GALNTL6: variants seen among roughly 807,000 people sequenced by gnomAD.
The protein encoded by GALNTL6 is polypeptide N-acetylgalactosaminyltransferase like 6.
A neutral mutation model predicts 73.7 loss-of-function variants in GALNTL6; 46 were observed. The observed-to-expected ratio is 0.62, with a 90% confidence interval of 0.49 to 0.80. GALNTL6 has a LOEUF of 0.80. Among genes scored for constraint, GALNTL6 ranks in the 30% least tolerant of loss-of-function variants. The probability of loss-of-function intolerance (pLI) is 0.00; values close to 1 mark genes in which losing one functional copy is unlikely to be tolerated. For missense variants in GALNTL6, 604 were observed against 755.0 expected (o/e 0.80, Z 2.34); for synonymous variants, 259 against 263.7 (o/e 0.98, Z 0.17).
At chr4:172,322,035 T>G (rs186149656) in intron 4 of GALNTL6, among the ~76,000 whole-genome samples, 1 of 152,188 alleles carries the variant, frequency 6.6e-6, no homozygotes, top group Non-Finnish European at 1.5e-5. Flanking sequence ...ACATTCCGAT[T>G]GGTAAGAGAA....
chr4:172,620,197 A>G (rs1738900969), intron 5 of GALNTL6, among the ~76,000 whole-genome samples: 1 of 152,196 alleles, frequency 6.6e-6, no homozygotes, highest in Non-Finnish European at 1.5e-5. Flanking sequence ...GTTTAAAGAA[A>G]GGGAGAGGAA....
At chr4:172,539,283 T>C (rs1425516895) in intron 5 of GALNTL6, among the ~76,000 whole-genome samples, 1 of 152,178 alleles carries the variant, frequency 6.6e-6, no homozygotes, top group Non-Finnish European at 1.5e-5. Flanking sequence ...TAGAAGACAT[T>C]GTGGTTGTCA....
chr4:172,642,255 T>A (rs564141073), intron 5 of GALNTL6, among the ~76,000 whole-genome samples: 2 of 152,180 alleles, frequency 1.3e-5, no homozygotes, highest in East Asian at 3.9e-4. Flanking sequence ...GAAATTCATG[T>A]GTCAAAGAGA....
At chr4:172,407,233 G>A (rs1744269253) in intron 5 of GALNTL6, among the ~76,000 whole-genome samples, 1 of 151,944 alleles carries the variant, frequency 6.6e-6, no homozygotes, top group East Asian at 1.9e-4. Context: ...TATCCAATAT[G>A]CACTTCACAG....
chr4:171,888,579 A>G (rs1736671595), intron 2 of GALNTL6, among the ~76,000 whole-genome samples: 1 of 152,046 alleles, frequency 6.6e-6, no homozygotes, highest in South Asian at 2.1e-4. Context: ...CTGATGGGAC[A>G]GATGTAAAGG....
chr4:172,048,838 T>C (rs1742289642), intron 2 of GALNTL6, among the ~76,000 whole-genome samples: 1 of 152,112 alleles, frequency 6.6e-6, no homozygotes, highest in East Asian at 1.9e-4. Context: ...AATTTGCATC[T>C]TCCAAAAAAA....
intron 5 of GALNTL6, chr4:172,380,086 G>T: frequency 1.0e-5 from 10 of 976,366 alleles, no homozygotes; most frequent in Non-Finnish European, 1.7e-5. Flanking sequence ...TATGGCTTGG[G>T]CTTCGTTGGT....
chr4:172,028,819 G>A (rs947138313), intron 2 of GALNTL6, among the ~76,000 whole-genome samples: 3 of 151,906 alleles, frequency 2.0e-5, no homozygotes, highest in African/African-American at 7.2e-5. Context: ...GAAAAAGAAA[G>A]CTCATTAGTA....
intron 9 of GALNTL6, among the ~76,000 whole-genome samples, chr4:172,934,164 G>T (rs1234997798): frequency 6.6e-6 from 1 of 152,190 alleles, no homozygotes; most frequent in Non-Finnish European, 1.5e-5. Flanking sequence ...ACATGTATAG[G>T]TAGAGGGAAG....
intron 2 of GALNTL6, among the ~76,000 whole-genome samples, chr4:171,972,160 C>T (rs1049279621): frequency 6.6e-6 from 1 of 152,064 alleles, no homozygotes; most frequent in African/African-American, 2.4e-5. Flanking sequence ...CAAGCTCCAC[C>T]TCTACAACTT....
intron 2 of GALNTL6, among the ~76,000 whole-genome samples, chr4:172,013,910 T>C (rs1741101035): frequency 6.9e-6 from 1 of 144,314 alleles, no homozygotes; most frequent in Non-Finnish European, 1.5e-5. Context: ...TTCTACTCTA[T>C]ACCTCCATGA....
intron 2 of GALNTL6, among the ~76,000 whole-genome samples, chr4:171,941,306 A>G (rs969322548): frequency 6.6e-6 from 1 of 152,040 alleles, no homozygotes; most frequent in African/African-American, 2.4e-5. Flanking sequence ...TTTGATCTTC[A>G]CCCTTTATTT....
At chr4:172,235,590 A>T (rs1428127598) in intron 3 of GALNTL6, among the ~76,000 whole-genome samples, 1 of 152,106 alleles carries the variant, frequency 6.6e-6, no homozygotes, top group East Asian at 1.9e-4. Flanking sequence ...ATTTTTTTCT[A>T]ACTTTTTAAA....
chr4:172,149,025 G>A (rs1733996907), intron 2 of GALNTL6, among the ~76,000 whole-genome samples: 1 of 152,128 alleles, frequency 6.6e-6, no homozygotes, highest in Non-Finnish European at 1.5e-5. Context: ...CATGTATCAA[G>A]TTTACCCTTC....
intron 3 of GALNTL6, among the ~76,000 whole-genome samples, chr4:172,255,020 A>G (rs995969644): frequency 1.3e-5 from 2 of 151,696 alleles, no homozygotes; most frequent in African/African-American, 4.8e-5. Context: ...ATTTGTTCAT[A>G]TAAGACATCC....
At chr4:172,131,871 T>G (rs1733508626) in intron 2 of GALNTL6, among the ~76,000 whole-genome samples, 1 of 151,964 alleles carries the variant, frequency 6.6e-6, no homozygotes, top group African/African-American at 2.4e-5. Context: ...CATGTAAAAT[T>G]GACATCAGAT....
intron 5 of GALNTL6, among the ~76,000 whole-genome samples, chr4:172,758,962 CACTCCCTTACTAATAGAT>C (rs1737912401): frequency 6.6e-6 from 1 of 152,196 alleles, no homozygotes; most frequent in Non-Finnish European, 1.5e-5. Flanking sequence ...TTTATCAGTC[CACTCCCTTACTAATAGAT>C]ATTTAGGCTT....
intron 2 of GALNTL6, among the ~76,000 whole-genome samples, chr4:171,887,002 A>C (rs754239446): frequency 2.6e-5 from 4 of 152,220 alleles, no homozygotes; most frequent in Non-Finnish European, 4.4e-5. Context: ...CTGCTGTGAC[A>C]GAATACCACA....
At chr4:172,758,810 A>G (rs1011716165) in intron 5 of GALNTL6, among the ~76,000 whole-genome samples, 1 of 152,216 alleles carries the variant, frequency 6.6e-6, no homozygotes, top group African/African-American at 2.4e-5. Context: ...TTAGTCACGT[A>G]GCAGCCCTCT....
Sources: gnomAD v4.1 joint callset for allele counts (sites outside exome capture counted in the v4.1 genomes callset) on GRCh38, gnomAD v4.1.1 for gene constraint, MANE v1.5 for transcripts, NCBI Gene and HGNC (gene_info 2026-07-23, HGNC 2026-07-21) for gene names.